The following ATP8A2 variants were observed in gnomAD, a reference collection of about 807,000 sequenced individuals.
The protein encoded by ATP8A2 is phospholipid-transporting ATPase IB.
Under a neutral mutation model 165.6 loss-of-function variants are expected in ATP8A2, and 100 were observed. That is an observed-to-expected ratio of 0.60 (90% CI 0.51 to 0.71). The LOEUF is 0.71. Among genes scored for constraint, ATP8A2 ranks in the 30% least tolerant of loss-of-function variants. The pLI is 0.00. For missense variants in ATP8A2, 1,227 were observed against 1,479.5 expected (o/e 0.83, Z 2.80); for synonymous variants, 543 against 548.8 (o/e 0.99, Z 0.15).
chr13:25,791,528 A>AAC (rs67701751), intron 27 of ATP8A2, among the ~76,000 whole-genome samples: 62 of 102,102 alleles, frequency 6.1e-4, no homozygotes, highest in South Asian at 2.4e-3. Context: ...CCCGAACTTA[A>AAC]ACACACACAC....
chr13:25,952,955 A>G (rs1449561233), intron 33 of ATP8A2, among the ~76,000 whole-genome samples: 1 of 152,190 alleles, frequency 6.6e-6, no homozygotes, highest in South Asian at 2.1e-4. Flanking sequence ...CAGAAAGCCA[A>G]ACCTCAAAAA....
chr13:25,948,882 T>A (rs1955276867), intron 33 of ATP8A2, among the ~76,000 whole-genome samples: 1 of 152,200 alleles, frequency 6.6e-6, no homozygotes, highest in Non-Finnish European at 1.5e-5. Flanking sequence ...CTATGGTGTT[T>A]TGTTGTGGCA....
chr13:25,833,384 A>G (rs1951526871), intron 28 of ATP8A2, among the ~76,000 whole-genome samples: 1 of 152,146 alleles, frequency 6.6e-6, no homozygotes, highest in African/African-American at 2.4e-5. Flanking sequence ...TGGAATTTAC[A>G]CATATCTGAG....
intron 27 of ATP8A2, among the ~76,000 whole-genome samples, chr13:25,820,249 GAAGGAA>G (rs1262832120): frequency 2.0e-5 from 3 of 152,084 alleles, no homozygotes; most frequent in African/African-American, 7.2e-5. Context: ...TTTTTTCCAA[GAAGGAA>G]AAGCCATTTA....
At chr13:25,610,566 T>A (rs2040657508) in intron 24 of ATP8A2, among the ~76,000 whole-genome samples, 1 of 152,172 alleles carries the variant, frequency 6.6e-6, no homozygotes, top group Non-Finnish European at 1.5e-5. Context: ...CCAGATTTGT[T>A]CTTTTTGCTT....
intron 1 of ATP8A2, among the ~76,000 whole-genome samples, chr13:25,401,621 T>A (rs1196515890): frequency 6.6e-6 from 1 of 152,166 alleles, no homozygotes; most frequent in African/African-American, 2.4e-5. Flanking sequence ...GCTTGTTGGT[T>A]CAGGAGGGAA....
rs565235898 is a variant in ATP8A2, at chr13:25,930,018, G to C, written c.3184-31557G>C. Among the ~76,000 whole-genome samples the C allele has an allele frequency of 2.2e-4, 33 of 152,268 alleles. No homozygotes were observed. The South Asian group carries it at 6.9e-3, about 32-fold the overall frequency. On this transcript the variant is annotated intron_variant, in intron 33 of 36. Coordinates refer to ENST00000381655, the MANE Select transcript of ATP8A2 (RefSeq NM_016529.6). ...AGGTAGGGCAGCCCCACGTGCTCCT[G>C]TGCTGCCCCACGTGCCTTTGCTCCT...
At chr13:25,756,847 A>G (rs749635841) in intron 25 of ATP8A2, among the ~76,000 whole-genome samples, 1 of 152,218 alleles carries the variant, frequency 6.6e-6, no homozygotes, top group Non-Finnish European at 1.5e-5. Flanking sequence ...TTAAAAGCAT[A>G]GGCTTTGGCT....
intron 8 of ATP8A2, among the ~76,000 whole-genome samples, chr13:25,541,028 A>T (rs2038459713): frequency 6.6e-6 from 1 of 151,632 alleles, no homozygotes; most frequent in South Asian, 2.1e-4. Flanking sequence ...CACCTGGCTT[A>T]ATTTTTATAT....
At chr13:25,665,736 T>TG (rs898715456) in intron 24 of ATP8A2, among the ~76,000 whole-genome samples, 26 of 151,794 alleles carry the variant, frequency 1.7e-4, no homozygotes, top group Middle Eastern at 3.4e-3. Flanking sequence ...ATTTTAGAGG[T>TG]GGGGGTCTTA....
chr13:25,705,134 C>T, intron 25 of ATP8A2: 1 of 428,006 alleles, frequency 2.3e-6, no homozygotes, highest in Non-Finnish European at 4.6e-6. Flanking sequence ...CTTTCTTCCC[C>T]CTTTCTCATT....
rs544072641 is a variant in ATP8A2 at position 25,543,199 on chromosome 13, C to T, written c.780-92C>T. 9.5e-6 allele frequency: 7 copies of T among 734,264 alleles called. No homozygotes were observed. In the South Asian group the frequency reaches 1.1e-4, roughly 11 times the overall value. 45.5% of individuals were successfully genotyped at this position (734,264 alleles called of 1,614,324 possible). ...GTAGTTCAAATTGGAGGAAAGGGAA[C>T]ATTTGATTTATTGTGGGTTCATGTT... On this transcript the variant is annotated intron_variant, in intron 9 of 36. Transcript: ENST00000381655.
At chr13:25,916,430 T>C (rs1954268125) in intron 33 of ATP8A2, among the ~76,000 whole-genome samples, 1 of 152,232 alleles carries the variant, frequency 6.6e-6, no homozygotes, top group African/African-American at 2.4e-5. Flanking sequence ...CCGCAGCAGG[T>C]GCATGTGGTG....
intron 2 of ATP8A2, among the ~76,000 whole-genome samples, chr13:25,473,202 C>T (rs1199244283): frequency 6.6e-6 from 1 of 152,168 alleles, no homozygotes; most frequent in African/African-American, 2.4e-5. Context: ...ATATAGATGT[C>T]TCACCAAACC....
intron 33 of ATP8A2, among the ~76,000 whole-genome samples, chr13:25,949,396 T>C (rs910059344): frequency 5.3e-5 from 8 of 152,190 alleles, no homozygotes; most frequent in African/African-American, 1.7e-4. Context: ...TTGACGCTAA[T>C]AGTCTGAATT....
intron 35 of ATP8A2, among the ~76,000 whole-genome samples, chr13:25,977,939 C>T (rs1458913988): frequency 6.6e-6 from 1 of 152,174 alleles, no homozygotes; most frequent in Non-Finnish European, 1.5e-5. Flanking sequence ...GGCTGTATTT[C>T]CAGGATGACT....
intron 33 of ATP8A2, among the ~76,000 whole-genome samples, chr13:25,930,777 ACT>A (rs1192400088): frequency 6.6e-6 from 1 of 151,990 alleles, no homozygotes; most frequent in African/African-American, 2.4e-5. Context: ...GTGCCATCTC[ACT>A]GTCTGTCAGA....
At chr13:25,665,407 CAT>C (rs367550028) in intron 24 of ATP8A2, among the ~76,000 whole-genome samples, 3 of 152,186 alleles carry the variant, frequency 2.0e-5, no homozygotes, top group African/African-American at 7.2e-5. Flanking sequence ...GCCTGGGTAA[CAT>C]AGGGAGATCC....
chr13:25,987,270 T>A (rs1018463447), intron 35 of ATP8A2, among the ~76,000 whole-genome samples: 5 of 152,226 alleles, frequency 3.3e-5, no homozygotes, highest in Non-Finnish European at 7.3e-5. Flanking sequence ...TTTAGCCAAA[T>A]TAGTCAGGAC....
Sources: allele counts gnomAD v4.1 joint callset (sites outside exome capture counted in the v4.1 genomes callset), GRCh38; gene constraint gnomAD v4.1.1; transcripts MANE v1.5; gene names NCBI Gene and HGNC (gene_info 2026-07-23, HGNC 2026-07-21).